The following RPGRIP1 variants were observed in gnomAD, a reference collection of about 807,000 sequenced individuals.
RPGRIP1 encodes the protein RPGR interacting protein 1.
Under a neutral mutation model 157.9 loss-of-function variants are expected in RPGRIP1, and 128 were observed. The observed-to-expected ratio is 0.81, with a 90% CI of 0.70 to 0.94. The LOEUF (loss-of-function observed/expected upper bound fraction) is 0.94, where lower values mean the gene tolerates loss of function less well. RPGRIP1 is among the 40% of genes least tolerant of loss of function. The pLI is 0.00. For missense variants in RPGRIP1, 1,486 were observed against 1,545.8 expected (o/e 0.96, Z 0.65); for synonymous variants, 554 against 571.6 (o/e 0.97, Z 0.44).
At chr14:21,300,021 C>A (rs370665869) in intron 3 of RPGRIP1, among the ~76,000 whole-genome samples, 11 of 152,150 alleles carry the variant, frequency 7.2e-5, no homozygotes, top group African/African-American at 2.7e-4. Context: ...AAAGGCCGGG[C>A]GCGGTGGCTC....
intron 18 of RPGRIP1, 25 bp downstream of exon 18, chr14:21,327,832 A>G (rs1883273919): frequency 1.3e-6 from 2 of 1,530,532 alleles, no homozygotes; most frequent in Middle Eastern, 1.8e-4. Context: ...CTCCACAGGT[A>G]GCAGATCTCT....
chr14:21,334,673 G>C lies in RPGRIP1; in HGVS notation c.3307G>C (p.Val1103Leu). The C allele has an allele frequency of 6.2e-7, 1 of 1,607,736 alleles. No individual in the cohort carries two copies. The highest frequency in any genetic ancestry group is 1.1e-5 in the South Asian group (1 of 89,956). The change falls in exon 21 of 25, where the codon GTG becomes CTG. Residue 1103 changes from valine (V) to leucine (L), a missense_variant. Coordinates refer to ENST00000400017, the MANE Select transcript of RPGRIP1 (RefSeq NM_020366.4). ...AACTACCGACAGTGATGATGTCATA[G>C]TGCCACCCATGTCTCAGAAATATCC... is the stretch of plus-strand genomic sequence containing the variant. The part of the protein sequence containing the change: ...AQTTDSDDVI[V>L]PPMSQKYPKA...
chr14:21,324,677 C>A lies in RPGRIP1; in HGVS notation c.1822C>A (p.Pro608Thr), dbSNP rs777682311. Residue 608 changes from proline to threonine, a missense_variant, in exon 15 of 25, where the codon CCA (proline) becomes ACA (threonine). Physicochemically the swap from Pro to Thr is conservative, Grantham distance 38. Transcript: ENST00000400017. The part of the protein sequence containing the change: ...RPLSLCLETL[P>T]AHGDEDKVDI... ...GTTGTCGTTATGTTTGGAAACACTGCCAGCCCATGGAGATGAGGATAAAGT... is the reference window on the plus strand; with the variant it reads ...GTTGTCGTTATGTTTGGAAACACTGACAGCCCATGGAGATGAGGATAAAGT... The A allele has an allele frequency of 3.1e-6, 5 of 1,614,002 alleles. No individual in the cohort carries two copies. The highest frequency in any genetic ancestry group is 4.5e-5 in the East Asian group (2 of 44,886).
Position 21,294,829 on chromosome 14 carries a change from AAT to A in RPGRIP1, c.218+21_218+22del. Reference sequence around the variant, plus strand: ...CAAAAGGTACTTAGAGTTCTCCTTAAATTTTTTTTTTTTTTTTTTTTTTTTTT... The same window carrying A: ...CAAAAGGTACTTAGAGTTCTCCTTAATTTTTTTTTTTTTTTTTTTTTTTTT... On this transcript the variant is annotated intron_variant, in intron 3 of 24. Coordinates refer to ENST00000400017, the MANE Select transcript of RPGRIP1 (RefSeq NM_020366.4). 1.2e-6 allele frequency: 1 copy of A among 827,998 alleles called. No individual in the cohort carries two copies. The highest frequency in any genetic ancestry group is 4.8e-5 in the East Asian group (1 of 20,628). The allele number at this position is 827,998 out of a possible 1,614,324, so 51.3% of individuals were successfully genotyped here. A position where few individuals can be genotyped will look rare whatever the true frequency, so the allele number is the denominator to read the frequency against.
intron 7 of RPGRIP1, among the ~76,000 whole-genome samples, chr14:21,309,698 CAG>C (rs1881467225): frequency 1.3e-5 from 2 of 151,850 alleles, no homozygotes; most frequent in African/African-American, 4.8e-5. Context: ...TCATTAAAGA[CAG>C]AACATGCTAG....
intron 6 of RPGRIP1, among the ~76,000 whole-genome samples, 161 bp from the exon 7 acceptor site, chr14:21,307,570 T>C (rs72678673): frequency 1.5e-3 from 224 of 152,336 alleles, no homozygotes; most frequent in Non-Finnish European, 2.8e-3. Context: ...AAGGAGATTA[T>C]TTACTAGACT....
chr14:21,317,421 G>T (rs1442014491), intron 10 of RPGRIP1: 1 of 645,856 alleles, frequency 1.5e-6, no homozygotes, highest in Non-Finnish European at 2.5e-6. Context: ...AAGCCATCAT[G>T]GTGGAGAAGT....
intron 18 of RPGRIP1, among the ~76,000 whole-genome samples, chr14:21,328,186 A>T (rs1463875688): frequency 6.6e-6 from 1 of 151,978 alleles, no homozygotes; most frequent in African/African-American, 2.4e-5. Flanking sequence ...AAAAAGAAAA[A>T]GAAATTCCCT....
chr14:21,341,878 G>A (rs1430353900), intron 21 of RPGRIP1, among the ~76,000 whole-genome samples: 1 of 151,874 alleles, frequency 6.6e-6, no homozygotes, highest in Non-Finnish European at 1.5e-5. Flanking sequence ...ACTAAACCCC[G>A]TCTCTACTAA....
intron 12 of RPGRIP1, among the ~76,000 whole-genome samples, 174 bp downstream of exon 12, chr14:21,320,351 G>A (rs1292358731): frequency 2.0e-5 from 3 of 151,610 alleles, no homozygotes; most frequent in South Asian, 2.1e-4. Context: ...GTGCAGTGGC[G>A]CGATCTCGGC....
At chr14:21,285,760 G>GA (rs1042664035) in intron 1 of RPGRIP1, among the ~76,000 whole-genome samples, 3 of 151,794 alleles carry the variant, frequency 2.0e-5, no homozygotes, top group African/African-American at 7.3e-5. Context: ...ACAGGCCCTG[G>GA]AAAAAAAGTG....
intron 20 of RPGRIP1, among the ~76,000 whole-genome samples, chr14:21,333,676 T>C (rs943267167): frequency 6.6e-6 from 1 of 152,132 alleles, no homozygotes; most frequent in African/African-American, 2.4e-5. Flanking sequence ...CAGTGGTTGC[T>C]TGGGCTTCCT....
At chr14:21,319,356 G>A (rs967102101) in intron 11 of RPGRIP1, among the ~76,000 whole-genome samples, 67 of 152,276 alleles carry the variant, frequency 4.4e-4, no homozygotes, top group African/African-American at 1.4e-3. Flanking sequence ...GAGGCCAGGA[G>A]TTTCAGACCA....
intron 10 of RPGRIP1, among the ~76,000 whole-genome samples, chr14:21,316,900 A>T (rs1881841823): frequency 6.6e-6 from 1 of 152,018 alleles, no homozygotes; most frequent in Admixed American, 6.6e-5. Flanking sequence ...CAGGTGGATC[A>T]CCTGAGGTCA....
Position 21,335,917 on chromosome 14 carries a change from G to A in RPGRIP1, c.3339+1212G>A, listed in dbSNP as rs147691756. On this transcript the variant is annotated intron_variant, in intron 21 of 24. Coordinates refer to ENST00000400017, the MANE Select transcript of RPGRIP1 (RefSeq NM_020366.4). The stretch of plus-strand genomic sequence containing the variant: ...GGTAGAAAACAATTACTCTTAAGTC[G>A]CTGCTGCCTGACACATTTGTAGGTC... Among the ~76,000 whole-genome samples the A allele has an allele frequency of 3.5e-3, 529 of 152,274 alleles. 3 individuals are homozygous for A. Among genetic ancestry groups the A allele is most frequent in the African/African-American group, 0.012 (494 of 41,522 alleles).
Position 21,351,172 on chromosome 14 carries a change from C to T in RPGRIP1, c.3817C>T (p.Leu1273Phe), listed in dbSNP as rs1205003239. The change falls in exon 25 of 25, where the codon CTC becomes TTC. Residue 1273 changes from leucine to phenylalanine, a missense_variant. Coordinates refer to ENST00000400017, the MANE Select transcript of RPGRIP1 (RefSeq NM_020366.4). ...GGTTTCCCTTCAAGCAGCTGCTGTCCTCCATGCTATTTACAAGGAGATGAC... is the reference window on the plus strand; with the variant it reads ...GGTTTCCCTTCAAGCAGCTGCTGTCTTCCATGCTATTTACAAGGAGATGAC... ...LKVSLQAAAVLHAIYKEMTED... is the reference protein window; with the variant it reads ...LKVSLQAAAVFHAIYKEMTED... The T allele has an allele frequency of 6.2e-7, 1 of 1,612,278 alleles. No individual in the cohort carries two copies. Among genetic ancestry groups the T allele is most frequent in the Non-Finnish European group, 8.5e-7 (1 of 1,179,056 alleles).
chr14:21,303,409 C>G lies in RPGRIP1; in HGVS notation c.666C>G (p.Asn222Lys). ...MAKPIGLCMP[N>K]SAHIMASNTM... is the part of the protein sequence containing the mutation. ...AACCCATTGGTCTATGCATGCCTAA[C>G]AGTGCCCACATCATGGCCAGCAATA... The change falls in exon 6 of 25, where the codon AAC (asparagine) becomes AAG (lysine). Residue 222 changes from asparagine (N) to lysine (K), a missense_variant. By Grantham distance (94) the Asn-to-Lys change is moderately conservative. Coordinates refer to ENST00000400017, the MANE Select transcript of RPGRIP1 (RefSeq NM_020366.4). The G allele has an allele frequency of 6.2e-7, 1 of 1,613,808 alleles. No homozygotes were observed. Among genetic ancestry groups the G allele is most frequent in the Non-Finnish European group, 8.5e-7 (1 of 1,179,774 alleles).
In RPGRIP1 at chr14:21,328,445, G is replaced by A. The variant is rs1048389828; in HGVS notation, c.2917G>A (p.Val973Ile). ...PSQDQMASPE[V>I]PIEAGQYRSK... The stretch of plus-strand genomic sequence containing the variant: ...TCAGGATCAGATGGCATCTCCTGAG[G>A]TTCCCATTGAAGCTGGCCAGTATCG... Residue 973 changes from valine (V) to isoleucine (I), a missense_variant, in exon 19 of 25, where the codon GTT becomes ATT. Val to Ile is a conservative substitution (Grantham distance 29). Coordinates refer to ENST00000400017, the MANE Select transcript of RPGRIP1 (RefSeq NM_020366.4). The A allele has an allele frequency of 1.9e-6, 3 of 1,613,110 alleles. No homozygotes were observed. Among genetic ancestry groups the A allele is most frequent in the East Asian group, 2.2e-5 (1 of 44,876 alleles).
chr14:21,294,812 A>C lies in RPGRIP1; in HGVS notation c.218+3A>C. The C allele has an allele frequency of 7.6e-7, 1 of 1,310,510 alleles. No individual in the cohort carries two copies. Among genetic ancestry groups the C allele is most frequent in the Middle Eastern group, 2.1e-4 (1 of 4,802 alleles). The allele number at this position is 1,310,510 out of a possible 1,614,324, so 81.2% of individuals were successfully genotyped here. A position where few individuals can be genotyped will look rare whatever the true frequency, so the allele number is the denominator to read the frequency against. On this transcript the variant is annotated splice_donor_region_variant and intron_variant, in intron 3 of 24. Transcript: ENST00000400017. ...AAGCAACAGGATGAGATCAAAAGGT[A>C]CTTAGAGTTCTCCTTAAATTTTTTT...
Sources: allele counts gnomAD v4.1 joint callset (sites outside exome capture counted in the v4.1 genomes callset), GRCh38; gene constraint gnomAD v4.1.1; transcripts MANE v1.5; gene names NCBI Gene and HGNC (gene_info 2026-07-23, HGNC 2026-07-21).